The following RSRC1 variants were observed in gnomAD, a reference collection of about 807,000 sequenced individuals.
The protein encoded by RSRC1 is arginine and serine rich coiled-coil 1.
In RSRC1, 39 loss-of-function variants were observed where a neutral mutation model predicts 49.1. That is an observed-to-expected ratio of 0.79 (90% CI 0.61 to 1.04). The LOEUF (loss-of-function observed/expected upper bound fraction) is 1.04. Among genes scored for constraint, RSRC1 ranks in the 50% least tolerant of loss-of-function variants. The pLI, the probability that RSRC1 is intolerant of heterozygous loss-of-function variation, is 0.00. For missense variants in RSRC1, 388 were observed against 402.4 expected, an observed-to-expected ratio of 0.96 and a Z score of 0.31; for synonymous variants, 143 against 130.8, an observed-to-expected ratio of 1.09 and a Z score of -0.63.
chr3:158,318,082 C>T (rs1043005154), intron 5 of RSRC1, among the ~76,000 whole-genome samples: 9 of 151,932 alleles, frequency 5.9e-5, no homozygotes, highest in African/African-American at 1.7e-4. Context: ...AGCTCATCAG[C>T]TATTGTTAGT....
At chr3:158,161,510 C>T (rs1718216404) in intron 3 of RSRC1, among the ~76,000 whole-genome samples, 1 of 152,124 alleles carries the variant, frequency 6.6e-6, no homozygotes, top group African/African-American at 2.4e-5. Context: ...GCCTGTAATC[C>T]CAGCACTTTG....
At chr3:158,254,157 G>T (rs2108019358) in intron 4 of RSRC1, among the ~76,000 whole-genome samples, 1 of 152,272 alleles carries the variant, frequency 6.6e-6, no homozygotes, top group East Asian at 1.9e-4. Context: ...TCTTAATCCA[G>T]TCTATCATTG....
chr3:158,487,874 C>A (rs1180529884), intron 7 of RSRC1, among the ~76,000 whole-genome samples: 1 of 137,086 alleles, frequency 7.3e-6, no homozygotes, highest in East Asian at 2.3e-4. Context: ...TGCTTGAACC[C>A]GGGAGGTGGA....
At chr3:158,369,157 T>G (rs1175467122) in intron 6 of RSRC1, among the ~76,000 whole-genome samples, 2 of 152,108 alleles carry the variant, frequency 1.3e-5, no homozygotes, top group African/African-American at 4.8e-5. Context: ...TTTTCACATA[T>G]TTTAAATAAT....
At chr3:158,421,110 CAG>C (rs995337469) in intron 6 of RSRC1, among the ~76,000 whole-genome samples, 1 of 151,824 alleles carries the variant, frequency 6.6e-6, no homozygotes, top group Non-Finnish European at 1.5e-5. Flanking sequence ...GTGTTGAAAT[CAG>C]GGAAGTCCCA....
At chr3:158,531,018 A>G (rs1712370413) in intron 7 of RSRC1, among the ~76,000 whole-genome samples, 2 of 150,434 alleles carry the variant, frequency 1.3e-5, no homozygotes, top group Admixed American at 1.3e-4. Context: ...TCTTCCATGA[A>G]GTTTTATTTT....
At chr3:158,416,315 C>T (rs755253999) in intron 6 of RSRC1, among the ~76,000 whole-genome samples, 1 of 151,952 alleles carries the variant, frequency 6.6e-6, no homozygotes, top group African/African-American at 2.4e-5. Flanking sequence ...GGCCTGTGTC[C>T]CCTTCCTTTG....
rs563997462 is a variant in RSRC1, at chr3:158,174,073, T to C, written c.321-28999T>C. 2.6e-5 allele frequency among the ~76,000 whole-genome samples: 4 copies of C among 152,064 alleles called. No homozygotes were observed. The South Asian group carries it at 8.3e-4, about 32-fold the overall frequency. Reference sequence around the variant, plus strand: ...TACTAAAAAGTCATTGAGTTTTACATATAAAATGGATGAATTTTATGGTAT... The same window carrying C: ...TACTAAAAAGTCATTGAGTTTTACACATAAAATGGATGAATTTTATGGTAT... On this transcript the variant is annotated intron_variant, in intron 3 of 9. Transcript: ENST00000611884.
chr3:158,429,207 T>A (rs1422747340), intron 6 of RSRC1, among the ~76,000 whole-genome samples: 1 of 151,860 alleles, frequency 6.6e-6, no homozygotes, highest in Non-Finnish European at 1.5e-5. Flanking sequence ...AAAAAATGTT[T>A]GAATTAAAGA....
At chr3:158,400,947 C>T (rs1332768132) in intron 6 of RSRC1, among the ~76,000 whole-genome samples, 2 of 151,942 alleles carry the variant, frequency 1.3e-5, no homozygotes, top group Non-Finnish European at 2.9e-5. Flanking sequence ...TGCAGCTGTC[C>T]ATTTTTTAAT....
intron 7 of RSRC1, among the ~76,000 whole-genome samples, chr3:158,475,700 G>T (rs1738335311): frequency 6.7e-6 from 1 of 150,136 alleles, no homozygotes; most frequent in Non-Finnish European, 1.5e-5. Flanking sequence ...TGTGTGTTCT[G>T]ACTGCTCCAC....
chr3:158,226,985 G>C (rs1041592383), intron 4 of RSRC1, among the ~76,000 whole-genome samples: 3 of 151,704 alleles, frequency 2.0e-5, no homozygotes, highest in African/African-American at 7.3e-5. Flanking sequence ...AAAAAATTAA[G>C]TTAAATGTAA....
At chr3:158,196,549 T>G (rs528767128) in intron 3 of RSRC1, among the ~76,000 whole-genome samples, 1 of 151,868 alleles carries the variant, frequency 6.6e-6, no homozygotes, top group African/African-American at 2.4e-5. Context: ...TGAATAGGAG[T>G]GGTGAGAGAG....
rs139119024 is a variant in RSRC1 at position 158,144,619 on chromosome 3, G to C, written c.320+20628G>C. On this transcript the variant is annotated intron_variant, in intron 3 of 9. Transcript: ENST00000611884. ...TACATGTGCATGTGTCTTTATAGCA[G>C]CATGATTTATAATCCTTTGGATATA... Among the ~76,000 whole-genome samples the C allele has an allele frequency of 1.2e-4, 19 of 152,178 alleles. No individual in the cohort carries two copies. The East Asian group carries it at 3.5e-3, about 28-fold the overall frequency.
At chr3:158,163,851 C>T (rs539292481) in intron 3 of RSRC1, among the ~76,000 whole-genome samples, 1 of 151,736 alleles carries the variant, frequency 6.6e-6, no homozygotes, top group African/African-American at 2.4e-5. Flanking sequence ...TCTTACTCAG[C>T]ACTGTATTCC....
At chr3:158,367,177 A>C (rs1230766768) in intron 6 of RSRC1, among the ~76,000 whole-genome samples, 1 of 152,110 alleles carries the variant, frequency 6.6e-6, no homozygotes, top group Middle Eastern at 3.2e-3. Flanking sequence ...ACTTTGTTGA[A>C]TAGGAGTGGT....
At chr3:158,383,309 G>A (rs569478710) in intron 6 of RSRC1, among the ~76,000 whole-genome samples, 1 of 152,108 alleles carries the variant, frequency 6.6e-6, no homozygotes, top group Non-Finnish European at 1.5e-5. Context: ...ATATCCACTG[G>A]TATGGAACCC....
intron 4 of RSRC1, among the ~76,000 whole-genome samples, chr3:158,277,784 T>C (rs1270415647): frequency 6.6e-6 from 1 of 152,184 alleles, no homozygotes; most frequent in Non-Finnish European, 1.5e-5. Context: ...TTTATTTTTA[T>C]TTATTTATTT....
chr3:158,487,339 T>C (rs1738853334), intron 7 of RSRC1, among the ~76,000 whole-genome samples: 1 of 152,226 alleles, frequency 6.6e-6, no homozygotes, highest in Admixed American at 6.5e-5. Context: ...TCTGGATCTC[T>C]GAAAAATAGC....
Sources: gnomAD v4.1 joint callset for allele counts (sites outside exome capture counted in the v4.1 genomes callset) on GRCh38, gnomAD v4.1.1 for gene constraint, MANE v1.5 for transcripts, NCBI Gene and HGNC (gene_info 2026-07-23, HGNC 2026-07-21) for gene names.